The following DGKG variants were observed in gnomAD, a reference collection of about 807,000 sequenced individuals.
DGKG encodes the protein DAG kinase gamma.
DGKG carries 78 observed loss-of-function variants against 105.3 expected under a neutral mutation model. The ratio of observed to expected loss-of-function variants is 0.74; its 90% confidence interval spans 0.62 to 0.89. The LOEUF is 0.89. Among genes scored for constraint, DGKG ranks in the 40% least tolerant of loss-of-function variants. The pLI is 0.00. For synonymous variants in DGKG, 346 were observed against 367.1 expected, an observed-to-expected ratio of 0.94 and a Z score of 0.66; for missense variants, 958 against 1,020.1, an observed-to-expected ratio of 0.94 and a Z score of 0.83.
chr3:186,237,661 G>C lies in DGKG; in HGVS notation c.1826+4843C>G, dbSNP rs139819074. ...GATGATGTATAAAGTACTTATCAGAGTGTCTGGTATACATCAGTGCTTGCT... is the reference window on the plus strand; with the variant it reads ...GATGATGTATAAAGTACTTATCAGACTGTCTGGTATACATCAGTGCTTGCT... On this transcript the variant is annotated intron_variant, in intron 20 of 24. Transcript: ENST00000265022. Among the ~76,000 whole-genome samples, 179 of 152,322 alleles carry C rather than the reference G, an allele frequency of 1.2e-3. 3 individuals carry two copies. Among genetic ancestry groups the C allele is most frequent in the African/African-American group, 4.2e-3 (175 of 41,584 alleles).
chr3:186,313,907 G>A lies in DGKG; in HGVS notation c.67+6486C>T, dbSNP rs374188441. Among the ~76,000 whole-genome samples, 110 of 151,824 alleles carry A rather than the reference G, an allele frequency of 7.2e-4. 1 individual carries two copies. Among genetic ancestry groups the A allele is most frequent in the African/African-American group, 2.5e-3 (103 of 41,392 alleles). The stretch of plus-strand genomic sequence containing the variant: ...CAGGACTTCATGAGCATTTGATCAA[G>A]TCTCACTCTACTGGCCAGCATAAAT... On this transcript the variant is annotated intron_variant, in intron 2 of 24. Coordinates refer to ENST00000265022, the MANE Select transcript of DGKG (RefSeq NM_001346.3).
In DGKG at chr3:186,267,686, C is replaced by T. The variant is rs375080940; in HGVS notation, c.1208G>A (p.Arg403Gln). ...CCTCGCCGGGGCAGGAGCACTTACCCGGGTGATGGGGCATATGGAGGTGGG... is the reference window on the plus strand; with the variant it reads ...CCTCGCCGGGGCAGGAGCACTTACCTGGGTGATGGGGCATATGGAGGTGGG... ...LLPTSICPIT[R>Q]DRPGEKSDGC... The change falls in exon 13 of 25, where the codon CGG becomes CAG. Residue 403 changes from arginine (R) to glutamine (Q), a missense_variant and splice_region_variant. Physicochemically the swap from Arg to Gln is conservative, Grantham distance 43. Around this residue, in one of 2 missense-constraint regions of DGKG, gnomAD observed 643 missense variants for 619.5 expected, o/e 1.04. Transcript: ENST00000265022. The T allele has an allele frequency of 4.4e-5, 71 of 1,613,642 alleles. No homozygotes were observed. The highest frequency in any genetic ancestry group is 1.4e-4 in the South Asian group (13 of 91,072).
At chr3:186,191,667 A>G (rs2284843) in intron 21 of DGKG, among the ~76,000 whole-genome samples, 72,732 of 152,070 alleles carry the variant, frequency 0.48, 20,405 homozygotes, top group East Asian at 0.74. Flanking sequence ...GTTCTTTTTC[A>G]CTTCAAACGT....
chr3:186,276,887 G>A (rs1277191323), intron 9 of DGKG, among the ~76,000 whole-genome samples: 1 of 152,200 alleles, frequency 6.6e-6, no homozygotes, highest in Non-Finnish European at 1.5e-5. Context: ...TACTTCTGGG[G>A]TGCGTATGCA....
intron 19 of DGKG, among the ~76,000 whole-genome samples, chr3:186,246,242 G>T (rs771136322): frequency 6.6e-6 from 1 of 152,216 alleles, no homozygotes; most frequent in African/African-American, 2.4e-5. Flanking sequence ...AAAGTGTTGG[G>T]ATTACAGGTG....
intron 1 of DGKG, among the ~76,000 whole-genome samples, chr3:186,334,262 C>T (rs1224814222): frequency 2.0e-5 from 3 of 152,200 alleles, no homozygotes; most frequent in East Asian, 1.9e-4. Context: ...CCATGTCTGT[C>T]TGAATGCAAA....
chr3:186,340,463 A>G (rs1379094145), intron 1 of DGKG, among the ~76,000 whole-genome samples: 2 of 152,154 alleles, frequency 1.3e-5, no homozygotes, highest in Admixed American at 1.3e-4. Context: ...TGAACTAGGC[A>G]AAAATAGCCA....
At chr3:186,201,157 C>CTTT (rs571499704) in intron 21 of DGKG, among the ~76,000 whole-genome samples, 2 of 145,506 alleles carry the variant, frequency 1.4e-5, no homozygotes, top group African/African-American at 5.0e-5. Context: ...CTCTTTCTTT[C>CTTT]TTTTTTTTTT....
At chr3:186,241,171 G>A (rs1391612427) in intron 20 of DGKG, among the ~76,000 whole-genome samples, 1 of 152,266 alleles carries the variant, frequency 6.6e-6, no homozygotes, top group Admixed American at 6.5e-5. Context: ...TGACTTCTCA[G>A]GCTGTGGGGT....
chr3:186,180,492 C>G (rs1452657060), intron 22 of DGKG, among the ~76,000 whole-genome samples: 1 of 152,158 alleles, frequency 6.6e-6, no homozygotes, highest in African/African-American at 2.4e-5. Context: ...CTTGCTCTGT[C>G]TCAGCCCACA....
chr3:186,308,090 A>G (rs1216784985), intron 2 of DGKG, among the ~76,000 whole-genome samples: 1 of 152,004 alleles, frequency 6.6e-6, no homozygotes, highest in African/African-American at 2.4e-5. Flanking sequence ...TTTCCCCTTA[A>G]TGTTCCCTCT....
At chr3:186,158,864 A>T (rs1716156833) in intron 24 of DGKG, 1 of 950,056 alleles carries the variant, frequency 1.1e-6, no homozygotes, top group Non-Finnish European at 1.3e-6. Flanking sequence ...TCAAATAAAA[A>T]ATGTGTTTAC....
At chr3:186,190,607 C>T (rs957637539) in intron 21 of DGKG, among the ~76,000 whole-genome samples, 4 of 152,172 alleles carry the variant, frequency 2.6e-5, no homozygotes, top group Non-Finnish European at 4.4e-5. Flanking sequence ...TCTTCATTGC[C>T]CAGATCATCT....
chr3:186,222,105 G>A (rs924571721), intron 20 of DGKG, among the ~76,000 whole-genome samples: 2 of 152,220 alleles, frequency 1.3e-5, no homozygotes, highest in African/African-American at 4.8e-5. Context: ...AGACTGGAAC[G>A]GGATCACAGA....
chr3:186,270,962 C>T (rs373444715), intron 11 of DGKG, among the ~76,000 whole-genome samples: 16 of 152,316 alleles, frequency 1.1e-4, no homozygotes, highest in South Asian at 4.1e-4. Flanking sequence ...CCGTGTGTCC[C>T]GGTGAAAGGC....
intron 20 of DGKG, among the ~76,000 whole-genome samples, chr3:186,228,020 A>G (rs1316885370): frequency 6.6e-6 from 1 of 152,244 alleles, no homozygotes; most frequent in African/African-American, 2.4e-5. Flanking sequence ...GGAGCTAAAA[A>G]CAAACAAAGA....
intron 19 of DGKG, among the ~76,000 whole-genome samples, chr3:186,243,933 G>C (rs1041000750): frequency 1.1e-5 from 1 of 88,726 alleles, no homozygotes; most frequent in African/African-American, 5.0e-5. Context: ...TTTTGCTCTT[G>C]TCGCCCAGGC....
intron 1 of DGKG, among the ~76,000 whole-genome samples, chr3:186,328,577 T>TC (rs1454874583): frequency 6.8e-6 from 1 of 147,756 alleles, no homozygotes; most frequent in African/African-American, 2.5e-5. Flanking sequence ...ACACCATTCT[T>TC]TTTTTTTTTT....
At position 186,149,636 on chromosome 3, in the gene DGKG, G is replaced by A. The variant is rs956806712; in HGVS notation, c.*454C>T. 1 of 988,850 alleles carries A rather than the reference G, an allele frequency of 1.0e-6. No homozygotes were observed. The highest frequency in any genetic ancestry group is 1.2e-6 in the Non-Finnish European group (1 of 831,866). The allele number at this position is 988,850 out of a possible 1,614,324, so 61.3% of individuals were successfully genotyped here. A position where few individuals can be genotyped will look rare whatever the true frequency, so the allele number is the denominator to read the frequency against. ...TTTGTCTCTGTACAGAGGGAACTTT[G>A]TGCAAATTCTCTGGAACCAGAGCTC... On this transcript the variant is annotated 3_prime_UTR_variant, in exon 25 of 25. Coordinates refer to ENST00000265022, the MANE Select transcript of DGKG (RefSeq NM_001346.3).
Sources: allele counts gnomAD v4.1 joint callset (sites outside exome capture counted in the v4.1 genomes callset), GRCh38; gene constraint gnomAD v4.1.1; regional missense constraint gnomAD v4.1.1; transcripts MANE v1.5; gene names NCBI Gene and HGNC (gene_info 2026-07-23, HGNC 2026-07-21).